The following ST3GAL5 variants were observed in gnomAD, a reference collection of about 807,000 sequenced individuals.
ST3GAL5 encodes lactosylceramide alpha-2,3-sialyltransferase.
In ST3GAL5, 25 loss-of-function variants were observed where a neutral mutation model predicts 46.1. The ratio of observed to expected loss-of-function variants is 0.54; its 90% CI spans 0.40 to 0.76. The LOEUF is 0.76. ST3GAL5 is among the 30% of genes least tolerant of loss of function. ST3GAL5 has a pLI of 0.00. For missense variants in ST3GAL5, 431 were observed against 521.2 expected, an observed-to-expected ratio of 0.83 and a Z score of 1.69; for synonymous variants, 182 against 192.7, an observed-to-expected ratio of 0.94 and a Z score of 0.46.
intron 1 of ST3GAL5, among the ~76,000 whole-genome samples, chr2:85,885,390 T>C (rs1457094381): frequency 6.6e-6 from 1 of 152,142 alleles, no homozygotes; most frequent in Non-Finnish European, 1.5e-5. Context: ...CTGGGGCCTA[T>C]AGGTGACCAC....
chr2:85,850,468 C>G (rs536835539), intron 3 of ST3GAL5: 149 of 152,374 alleles, frequency 9.8e-4, no homozygotes, highest in African/African-American at 3.4e-3. Flanking sequence ...TCTGCCTTGA[C>G]CCTGAGCCCC....
intron 1 of ST3GAL5, among the ~76,000 whole-genome samples, chr2:85,880,553 G>C (rs1687032840): frequency 6.6e-6 from 1 of 152,206 alleles, no homozygotes; most frequent in South Asian, 2.1e-4. Context: ...GCTGGGCATG[G>C]TGGCTCATGC....
At position 85,838,823 on chromosome 2, in the gene ST3GAL5, C is replaced by T. The variant is rs1681681151; in HGVS notation, c.*1321G>A. ...GTAGCATTAGTGACAAGAGCAGCCA[C>T]AGAGTGGAGAACAGCGATGGCGGCA... On this transcript the variant is annotated 3_prime_UTR_variant, in exon 7 of 7. Transcript: ENST00000638572. The T allele has an allele frequency of 6.6e-6, 1 of 152,570 alleles. No homozygotes were observed. The highest frequency in any genetic ancestry group is 2.1e-4 in the South Asian group (1 of 4,830). 9.5% of individuals were successfully genotyped at this position (152,570 alleles called of 1,614,324 possible).
At chr2:85,876,462 C>CTTTTCTTTTTCTTTTTCCT (rs1686581681) in intron 1 of ST3GAL5, among the ~76,000 whole-genome samples, 1 of 111,250 alleles carries the variant, frequency 9.0e-6, no homozygotes, top group Non-Finnish European at 1.8e-5. Context: ...TTTCTTTTTC[C>CTTTTCTTTTTCTTTTTCCT]TTTTTTTTTT....
intron 6 of ST3GAL5, 26 bp downstream of exon 6, chr2:85,844,370 T>C (rs776854176): frequency 3.7e-6 from 6 of 1,614,140 alleles, no homozygotes; most frequent in Non-Finnish European, 5.1e-6. Context: ...CAGGGAATGA[T>C]TAACTTTGAG....
intron 1 of ST3GAL5, among the ~76,000 whole-genome samples, chr2:85,867,142 AAATG>A (rs1685376276): frequency 6.6e-6 from 1 of 152,188 alleles, no homozygotes; most frequent in Non-Finnish European, 1.5e-5. Context: ...AAATAATAAT[AAATG>A]AAACATCAAA....
upstream of ST3GAL5, chr2:85,889,002 C>G: frequency 1.0e-6 from 1 of 957,966 alleles, no homozygotes; most frequent in African/African-American, 1.7e-5. Context: ...GGGGCCGCCG[C>G]TCCCCCGCTC....
intron 3 of ST3GAL5, among the ~76,000 whole-genome samples, chr2:85,857,687 G>A (rs955957719): frequency 7.2e-5 from 11 of 152,146 alleles, no homozygotes; most frequent in Admixed American, 6.5e-5. Context: ...AGTCATGAAC[G>A]GTCTTCTGGG....
In ST3GAL5 at chr2:85,844,430, G is replaced by C. The variant is rs1419381657; in HGVS notation, c.974C>G (p.Ser325Ter). 3 of 1,614,100 alleles carry C rather than the reference G, an allele frequency of 1.9e-6. No homozygotes were observed. Among genetic ancestry groups the C allele is most frequent in the Non-Finnish European group, 2.5e-6 (3 of 1,180,050 alleles). Reference sequence around the variant, plus strand: ...GCCCCAGAACCTTGACTGAGGCTCTGAGTACTGAAGGATGTCAAAGGCAGT... The same window carrying C: ...GCCCCAGAACCTTGACTGAGGCTCTCAGTACTGAAGGATGTCAAAGGCAGT... ...KETAFDILQYSEPQSRFWGRD... is the reference protein window; with the variant it reads ...KETAFDILQY The change falls in exon 6 of 7, where the codon TCA (serine) becomes TGA (stop). Residue 325 changes from serine (S) to a stop codon, truncating the protein, a stop_gained. Coordinates refer to ENST00000638572, the MANE Select transcript of ST3GAL5 (RefSeq NM_003896.4). LOFTEE classifies it high-confidence loss of function.
intron 1 of ST3GAL5, among the ~76,000 whole-genome samples, chr2:85,868,411 C>T (rs1685523119): frequency 6.6e-6 from 1 of 152,136 alleles, no homozygotes; most frequent in Non-Finnish European, 1.5e-5. Flanking sequence ...AGGCCATCTT[C>T]CCACCTCAGC....
chr2:85,851,449 A>G (rs2103983759), intron 3 of ST3GAL5: 1 of 1,236,662 alleles, frequency 8.1e-7, no homozygotes, highest in Non-Finnish European at 1.0e-6. Context: ...GAGCTCACAC[A>G]GAACTCCATC....
At position 85,838,604 on chromosome 2, in the gene ST3GAL5, T is replaced by A. The variant is rs1681665282; in HGVS notation, c.*1540A>T. On this transcript the variant is annotated 3_prime_UTR_variant, in exon 7 of 7. Transcript: ENST00000638572. ...AGACACAAAACGAGAGAAATATGACTTTTGCTCTCCTGGCCACTCTGAGCT... is the reference window on the plus strand; with the variant it reads ...AGACACAAAACGAGAGAAATATGACATTTGCTCTCCTGGCCACTCTGAGCT... 6.6e-6 allele frequency: 1 copy of A among 152,256 alleles called. No individual in the cohort carries two copies. The highest frequency in any genetic ancestry group is 1.5e-5 in the Non-Finnish European group (1 of 68,046). The allele number at this position is 152,256 out of a possible 1,614,324, so 9.4% of individuals were successfully genotyped here.
At chr2:85,853,022 G>T in intron 3 of ST3GAL5, 1 of 1,303,646 alleles carries the variant, frequency 7.7e-7, no homozygotes, top group Non-Finnish European at 1.0e-6. Context: ...GAGAGAAGAC[G>T]ATGAAGAAGC....
intron 1 of ST3GAL5, among the ~76,000 whole-genome samples, chr2:85,869,757 C>T (rs1208544652): frequency 6.6e-6 from 1 of 152,204 alleles, no homozygotes; most frequent in Non-Finnish European, 1.5e-5. Context: ...TGCTCCCTTT[C>T]TGTGGAAGCC....
At chr2:85,859,239 CA>C (rs1231822503) in intron 3 of ST3GAL5, among the ~76,000 whole-genome samples, 1 of 152,036 alleles carries the variant, frequency 6.6e-6, no homozygotes, top group Non-Finnish European at 1.5e-5. Flanking sequence ...TGGTAATGGA[CA>C]GGAAAAAGAG....
chr2:85,844,116 T>C (rs544487551), intron 6 of ST3GAL5, among the ~76,000 whole-genome samples: 2 of 152,316 alleles, frequency 1.3e-5, no homozygotes, highest in East Asian at 1.9e-4. Flanking sequence ...CCTGCAGTTA[T>C]ATGGAGTCCT....
intron 1 of ST3GAL5, among the ~76,000 whole-genome samples, chr2:85,874,226 C>T (rs566265057): frequency 6.6e-6 from 1 of 152,320 alleles, no homozygotes; most frequent in East Asian, 1.9e-4. Context: ...TCATTACTGT[C>T]ATTCAATTGC....
intron 3 of ST3GAL5, chr2:85,852,916 G>C (rs1356105246): frequency 3.1e-6 from 4 of 1,304,184 alleles, no homozygotes; most frequent in African/African-American, 1.5e-5. Context: ...GGAGAGAAAA[G>C]ACTCGGTTTG....
At chr2:85,889,016 T>C, upstream of ST3GAL5, 9 of 808,172 alleles carry the variant, frequency 1.1e-5, no homozygotes, top group Non-Finnish European at 1.5e-5. Context: ...CCCGCTCAGA[T>C]GCGGAGGAGG....
Sources: gnomAD v4.1 joint callset for allele counts (sites outside exome capture counted in the v4.1 genomes callset) on GRCh38, gnomAD v4.1.1 for gene constraint, MANE v1.5 for transcripts, NCBI Gene and HGNC (gene_info 2026-07-23, HGNC 2026-07-21) for gene names.